The following ANAPC10 variants were observed in gnomAD, a reference collection of about 807,000 sequenced individuals.
ANAPC10 encodes anaphase promoting complex subunit 10.
A neutral mutation model predicts 22.0 loss-of-function variants in ANAPC10; 12 were observed. The observed-to-expected ratio is 0.55, with a 90% CI of 0.35 to 0.88. The LOEUF (loss-of-function observed/expected upper bound fraction) is 0.88, where lower values mean the gene tolerates loss of function less well. Among genes scored for constraint, ANAPC10 ranks in the 40% least tolerant of loss-of-function variants. The pLI, the probability that ANAPC10 is intolerant of heterozygous loss-of-function variation, is 0.01. For synonymous variants in ANAPC10, 65 were observed against 69.5 expected (o/e 0.94, Z 0.32); for missense variants, 188 against 220.9 (o/e 0.85, Z 0.94).
Position 145,036,995 on chromosome 4 carries a change from C to CGTGTGTGT in ANAPC10, c.327+27569_327+27576dup, listed in dbSNP as rs202100756. On this transcript the variant is annotated intron_variant, in intron 4 of 4. Coordinates refer to ENST00000507656, the MANE Select transcript of ANAPC10 (RefSeq NM_001256706.2). The stretch of plus-strand genomic sequence containing the variant: ...TCTATTTCTTATACCAAATAGATAA[C>CGTGTGTGT]GTGTGTGTGTGTGTGTGTGTGTGTG... Among the ~76,000 whole-genome samples, 529 of 131,206 alleles carry CGTGTGTGT rather than the reference C, an allele frequency of 4.0e-3. 6 individuals carry two copies. The highest frequency in any genetic ancestry group is 6.8e-3 in the African/African-American group (235 of 34,552). The allele number at this position is 131,206 out of a possible 152,430, so 86.1% of individuals were successfully genotyped here. A position where few individuals can be genotyped will look rare whatever the true frequency, so the allele number is the denominator to read the frequency against.
intron 4 of ANAPC10, chr4:145,053,657 A>G (rs1741461709): frequency 1.0e-5 from 5 of 480,682 alleles, no homozygotes; most frequent in Non-Finnish European, 1.9e-5. Context: ...TCCTTTATGA[A>G]GGAGAAATGG....
intron 3 of ANAPC10, among the ~76,000 whole-genome samples, chr4:145,070,232 G>A (rs191245449): frequency 5.3e-5 from 8 of 152,156 alleles, no homozygotes; most frequent in East Asian, 1.9e-4. Context: ...GTGACACTCC[G>A]TCATATACAC....
intron 3 of ANAPC10, among the ~76,000 whole-genome samples, chr4:145,078,401 T>C (rs1258219576): frequency 3.3e-5 from 5 of 152,082 alleles, no homozygotes; most frequent in Non-Finnish European, 7.4e-5. Flanking sequence ...AAACATCCCA[T>C]GCTCATGGAT....
chr4:145,052,016 GA>G (rs1206002163), intron 4 of ANAPC10, among the ~76,000 whole-genome samples: 1 of 152,122 alleles, frequency 6.6e-6, no homozygotes, highest in East Asian at 1.9e-4. Flanking sequence ...AAATTGGAGT[GA>G]AAAAAGAACT....
chr4:145,045,308 T>C (rs1381045147), intron 4 of ANAPC10, among the ~76,000 whole-genome samples: 1 of 152,120 alleles, frequency 6.6e-6, no homozygotes, highest in Admixed American at 6.6e-5. Context: ...ACCTATTCTA[T>C]ATATGAGGAA....
chr4:145,003,464 C>G (rs1732882284), intron 4 of ANAPC10, among the ~76,000 whole-genome samples: 1 of 152,102 alleles, frequency 6.6e-6, no homozygotes, highest in African/African-American at 2.4e-5. Flanking sequence ...AAACTGCTTT[C>G]CAAAATGGCT....
chr4:145,050,597 C>T (rs1740961153), intron 4 of ANAPC10, among the ~76,000 whole-genome samples: 1 of 152,188 alleles, frequency 6.6e-6, no homozygotes, highest in African/African-American at 2.4e-5. Context: ...AAATGTGTTG[C>T]TTGGTGTATC....
chr4:145,034,980 G>C (rs768670204), intron 4 of ANAPC10, among the ~76,000 whole-genome samples: 2 of 152,196 alleles, frequency 1.3e-5, no homozygotes, highest in Non-Finnish European at 2.9e-5. Context: ...TTTGTGGGCA[G>C]AGATCTGAGA....
At chr4:145,055,465 T>A (rs1741912755) in intron 4 of ANAPC10, among the ~76,000 whole-genome samples, 2 of 151,780 alleles carry the variant, frequency 1.3e-5, no homozygotes, top group Admixed American at 6.6e-5. Context: ...GGCTGAGGCA[T>A]GAGAATCACT....
At chr4:144,996,189 C>G (rs372262329) in intron 4 of ANAPC10, among the ~76,000 whole-genome samples, 68 of 151,440 alleles carry the variant, frequency 4.5e-4, no homozygotes, top group African/African-American at 1.6e-3. Flanking sequence ...GATATCCCCA[C>G]GGCTCTACAC....
Position 145,011,336 on chromosome 4 carries a change from AAAAATAAAATAAAAT to A in ANAPC10, c.328-15748_328-15734del, listed in dbSNP as rs70956822. Among the ~76,000 whole-genome samples, 339 of 130,132 alleles carry A rather than the reference AAAAATAAAATAAAAT, an allele frequency of 2.6e-3. 1 individual carries two copies. The highest frequency in any genetic ancestry group is 5.4e-3 in the African/African-American group (200 of 36,874). 85.4% of individuals were successfully genotyped at this position (130,132 alleles called of 152,430 possible). On this transcript the variant is annotated intron_variant, in intron 4 of 4. Coordinates refer to ENST00000507656, the MANE Select transcript of ANAPC10 (RefSeq NM_001256706.2). ...TGGATGACAGAATGAGACTGTCTTA[AAAAATAAAATAAAAT>A]AAAATAAAATAAAATAAAATAAAAT...
chr4:145,049,218 C>T (rs1740745053), intron 4 of ANAPC10, among the ~76,000 whole-genome samples: 2 of 152,148 alleles, frequency 1.3e-5, no homozygotes, highest in South Asian at 2.1e-4. Context: ...TTAATGATGA[C>T]GGCTACTGAC....
intron 4 of ANAPC10, among the ~76,000 whole-genome samples, chr4:145,052,446 A>G (rs1183450610): frequency 6.6e-6 from 1 of 152,178 alleles, no homozygotes; most frequent in Non-Finnish European, 1.5e-5. Flanking sequence ...CAGTTTACAG[A>G]GGTGGAATCC....
chr4:145,069,075 T>C (rs372956268), intron 3 of ANAPC10, among the ~76,000 whole-genome samples: 1 of 152,152 alleles, frequency 6.6e-6, no homozygotes, highest in East Asian at 1.9e-4. Context: ...AACAAGAAAG[T>C]CCGAGACATC....
intron 4 of ANAPC10, among the ~76,000 whole-genome samples, chr4:145,000,156 G>A (rs1732300421): frequency 6.6e-6 from 1 of 152,164 alleles, no homozygotes; most frequent in Non-Finnish European, 1.5e-5. Context: ...AGAACTTTAT[G>A]TCTAAACACC....
chr4:145,026,945 A>ATATATATATATGTGTGTG (rs1287102797), intron 4 of ANAPC10, among the ~76,000 whole-genome samples: 13 of 17,154 alleles, frequency 7.6e-4, no homozygotes, highest in South Asian at 5.3e-3. Flanking sequence ...ATATATATAT[A>ATATATATATATGTGTGTG]TGTGTGTGTG....
chr4:145,084,141 T>C (rs1008726496), intron 2 of ANAPC10, among the ~76,000 whole-genome samples: 1 of 152,182 alleles, frequency 6.6e-6, no homozygotes, highest in African/African-American at 2.4e-5. Flanking sequence ...CAGTCACTAT[T>C]ATGGATATTA....
chr4:145,037,255 T>C (rs888682300), intron 4 of ANAPC10, among the ~76,000 whole-genome samples: 7 of 152,062 alleles, frequency 4.6e-5, no homozygotes, highest in African/African-American at 1.4e-4. Flanking sequence ...TGAAACAGAA[T>C]TGTATGTATG....
intron 4 of ANAPC10, among the ~76,000 whole-genome samples, chr4:145,057,251 G>C (rs1223926523): frequency 6.6e-6 from 1 of 152,210 alleles, no homozygotes; most frequent in South Asian, 2.1e-4. Flanking sequence ...TCCAAAGAGT[G>C]CTTAAACAAG....
Sources: allele counts gnomAD v4.1 joint callset (sites outside exome capture counted in the v4.1 genomes callset), GRCh38; gene constraint gnomAD v4.1.1; transcripts MANE v1.5; gene names NCBI Gene and HGNC (gene_info 2026-07-23, HGNC 2026-07-21).